ADARB2: variants seen among roughly 807,000 people sequenced by gnomAD.
ADARB2 encodes adenosine deaminase RNA specific B2 (inactive).
ADARB2 carries 25 observed loss-of-function variants against 62.2 expected under a neutral mutation model. The ratio of observed to expected loss-of-function variants is 0.40; its 90% CI spans 0.29 to 0.56. The LOEUF (loss-of-function observed/expected upper bound fraction) is 0.56. Ranked by LOEUF, ADARB2 falls within the 20% of genes least tolerant of loss-of-function variation. ADARB2 has a pLI of 0.43. For missense variants in ADARB2, 1,071 were observed against 1,077.4 expected (o/e 0.99, Z 0.08); for synonymous variants, 572 against 500.8 (o/e 1.14, Z -1.90).
chr10:1,375,807 CCA>C (rs1564273466), intron 2 of ADARB2, among the ~76,000 whole-genome samples: 2 of 84,004 alleles, frequency 2.4e-5, no homozygotes, highest in African/African-American at 6.1e-5. Flanking sequence ...CACACACACA[CCA>C]CACACATGCA....
intron 1 of ADARB2, among the ~76,000 whole-genome samples, chr10:1,446,950 T>C (rs192703597): frequency 9.2e-5 from 14 of 152,360 alleles, no homozygotes; most frequent in African/African-American, 3.4e-4. Flanking sequence ...AATTGAATTA[T>C]AGCGCTTGGG....
At chr10:1,393,951 G>C (rs1413646944) in intron 1 of ADARB2, among the ~76,000 whole-genome samples, 1 of 152,242 alleles carries the variant, frequency 6.6e-6, no homozygotes, top group Non-Finnish European at 1.5e-5. Context: ...AGACATGAGT[G>C]CTTCTCCTGG....
At position 1,302,321 on chromosome 10, in the gene ADARB2, G is replaced by T. The variant is rs191064599; in HGVS notation, c.1078-31252C>A. 3.3e-3 allele frequency among the ~76,000 whole-genome samples: 473 copies of T among 143,706 alleles called. 2 individuals are homozygous for T. The highest frequency in any genetic ancestry group is 0.011 in the African/African-American group (455 of 39,764). 94.3% of individuals were successfully genotyped at this position (143,706 alleles called of 152,430 possible). Reference sequence around the variant, plus strand: ...CACCTGAATACTGCGCTTTTCCGACGGGCTTAAAAAACGGCGCACCACGAG... The same window carrying T: ...CACCTGAATACTGCGCTTTTCCGACTGGCTTAAAAAACGGCGCACCACGAG... On this transcript the variant is annotated intron_variant, in intron 3 of 9. Coordinates refer to ENST00000381312, the MANE Select transcript of ADARB2 (RefSeq NM_018702.4).
intron 1 of ADARB2, among the ~76,000 whole-genome samples, chr10:1,569,070 GAGAC>G (rs1457251951): frequency 6.6e-6 from 1 of 150,994 alleles, no homozygotes; most frequent in Non-Finnish European, 1.5e-5. Flanking sequence ...AAGAGAGACA[GAGAC>G]AGACACACAG....
chr10:1,559,174 G>C (rs1832754157), intron 1 of ADARB2, among the ~76,000 whole-genome samples: 1 of 152,220 alleles, frequency 6.6e-6, no homozygotes, highest in African/African-American at 2.4e-5. Flanking sequence ...ATAAATGCCA[G>C]ATACTTGCTT....
chr10:1,324,983 A>T (rs1727088450), intron 3 of ADARB2, among the ~76,000 whole-genome samples: 1 of 152,216 alleles, frequency 6.6e-6, no homozygotes, highest in African/African-American at 2.4e-5. Flanking sequence ...GCACAGGTAC[A>T]TGGGCTCTTT....
chr10:1,330,742 G>A (rs1419404608), intron 3 of ADARB2, among the ~76,000 whole-genome samples: 1 of 152,146 alleles, frequency 6.6e-6, no homozygotes, highest in Non-Finnish European at 1.5e-5. Context: ...AGAAAAAATA[G>A]ATAAATTGGG....
intron 1 of ADARB2, among the ~76,000 whole-genome samples, chr10:1,504,669 C>G (rs1831813759): frequency 6.6e-6 from 1 of 152,198 alleles, no homozygotes; most frequent in African/African-American, 2.4e-5. Context: ...TGGGGCAGTC[C>G]AGGACCGTTT....
At chr10:1,661,537 G>GTTT (rs1834248215) in intron 1 of ADARB2, among the ~76,000 whole-genome samples, 3 of 152,202 alleles carry the variant, frequency 2.0e-5, no homozygotes, top group African/African-American at 7.2e-5. Flanking sequence ...GCTAGGGTTG[G>GTTT]GGGAGGGCCC....
chr10:1,471,141 T>G (rs1831316788), intron 1 of ADARB2, among the ~76,000 whole-genome samples: 1 of 152,074 alleles, frequency 6.6e-6, no homozygotes, highest in Non-Finnish European at 1.5e-5. Context: ...CAGGGGTGGT[T>G]TTTTCAACCT....
rs376585238 is a variant in ADARB2 at position 1,710,536 on chromosome 10, G to C, written c.100+26515C>G. Reference sequence around the variant, plus strand: ...AATCCAGCCTGCACTTGGGTGCTGGGGGCACCTTCCCCTCCTTCCCACTGT... The same window carrying C: ...AATCCAGCCTGCACTTGGGTGCTGGCGGCACCTTCCCCTCCTTCCCACTGT... On this transcript the variant is annotated intron_variant, in intron 1 of 9. Transcript: ENST00000381312. Among the ~76,000 whole-genome samples, 9 of 152,334 alleles carry C rather than the reference G, an allele frequency of 5.9e-5. No homozygotes were observed. In the South Asian group the frequency reaches 1.9e-3, roughly 32 times the overall value.
At chr10:1,656,347 G>A (rs1482028921) in intron 1 of ADARB2, among the ~76,000 whole-genome samples, 1 of 152,060 alleles carries the variant, frequency 6.6e-6, no homozygotes, top group African/African-American at 2.4e-5. Context: ...AGCCTCCCAG[G>A]GTCCACGTGT....
intron 6 of ADARB2, among the ~76,000 whole-genome samples, chr10:1,222,417 T>C (rs1243585952): frequency 6.6e-6 from 1 of 151,984 alleles, no homozygotes; most frequent in Non-Finnish European, 1.5e-5. Flanking sequence ...CTCTTTAGTT[T>C]AATTAGATCC....
At position 1,674,446 on chromosome 10, in the gene ADARB2, T is replaced by C. The variant is rs1834434654; in HGVS notation, c.100+62605A>G. ...GATTTTCAATAGGAGCTATTTGTTA[T>C]AATATGGGCTTGACCAATATTGATC... is the stretch of plus-strand genomic sequence containing the variant. On this transcript the variant is annotated intron_variant, in intron 1 of 9. Coordinates refer to ENST00000381312, the MANE Select transcript of ADARB2 (RefSeq NM_018702.4). 2.0e-5 allele frequency among the ~76,000 whole-genome samples: 3 copies of C among 152,244 alleles called. No individual in the cohort carries two copies. The South Asian group carries it at 6.2e-4, about 31-fold the overall frequency.
intron 1 of ADARB2, among the ~76,000 whole-genome samples, chr10:1,585,842 G>A (rs1160128243): frequency 2.6e-5 from 4 of 152,252 alleles, no homozygotes; most frequent in East Asian, 3.9e-4. Flanking sequence ...AGACCATCCT[G>A]GCTAACACGG....
chr10:1,642,642 A>G (rs1161783105), intron 1 of ADARB2, among the ~76,000 whole-genome samples: 2 of 152,222 alleles, frequency 1.3e-5, no homozygotes, highest in Non-Finnish European at 2.9e-5. Flanking sequence ...ATCACTCACC[A>G]CAGGGCTTTC....
chr10:1,404,495 C>T lies in ADARB2; in HGVS notation c.101-25335G>A, dbSNP rs549257952. Among the ~76,000 whole-genome samples, 18 of 152,334 alleles carry T rather than the reference C, an allele frequency of 1.2e-4. No homozygotes were observed. The East Asian group carries it at 3.3e-3, about 28-fold the overall frequency. ...GAGTGCGCAAGAACCAGCGTGGGCT[C>T]CACTCCTCCCGCCTGTGCCCTGAAA... On this transcript the variant is annotated intron_variant, in intron 1 of 9. Transcript: ENST00000381312.
intron 1 of ADARB2, among the ~76,000 whole-genome samples, chr10:1,440,138 C>A (rs1170694543): frequency 6.6e-6 from 1 of 151,532 alleles, no homozygotes; most frequent in South Asian, 2.1e-4. Context: ...CTGAGTCTCC[C>A]CCAGGACAGA....
At chr10:1,211,927 T>C (rs1209113079) in intron 7 of ADARB2, among the ~76,000 whole-genome samples, 1 of 152,280 alleles carries the variant, frequency 6.6e-6, no homozygotes, top group South Asian at 2.1e-4. Context: ...TAATGACTTA[T>C]TTGACAACCA....
Sources: allele counts gnomAD v4.1 joint callset (sites outside exome capture counted in the v4.1 genomes callset), GRCh38; gene constraint gnomAD v4.1.1; transcripts MANE v1.5; gene names NCBI Gene and HGNC (gene_info 2026-07-23, HGNC 2026-07-21).